Variants in SLC38A6 observed in about 807,000 individuals in gnomAD.
SLC38A6 encodes the protein solute carrier family 38 member 6.
SLC38A6 carries 73 observed loss-of-function variants against 65.0 expected under a neutral mutation model. The observed-to-expected ratio is 1.12, with a 90% CI of 0.93 to 1.37. SLC38A6 has a LOEUF of 1.37. Ranked by LOEUF, SLC38A6 falls within the 40% of genes most tolerant of loss-of-function variation. SLC38A6 has a pLI of 0.00. For synonymous variants in SLC38A6, 183 were observed against 178.8 expected (o/e 1.02, Z -0.19); for missense variants, 561 against 531.1 (o/e 1.06, Z -0.55).
intron 15 of SLC38A6, among the ~76,000 whole-genome samples, chr14:61,064,821 G>T (rs1415280895): frequency 3.3e-5 from 5 of 151,926 alleles, no homozygotes; most frequent in Admixed American, 1.3e-4. Context: ...TTGGAGACTT[G>T]TTTGCTAAAT....
intron 15 of SLC38A6, among the ~76,000 whole-genome samples, chr14:61,068,166 C>A (rs796316168): frequency 2.3e-4 from 35 of 152,168 alleles, no homozygotes; most frequent in African/African-American, 8.2e-4. Flanking sequence ...GGGGGCTCCA[C>A]AATCACTTCA....
chr14:61,047,405 A>G (rs2042218383), intron 12 of SLC38A6, among the ~76,000 whole-genome samples: 1 of 152,152 alleles, frequency 6.6e-6, no homozygotes. Flanking sequence ...TATACTCCCT[A>G]ACTTAATCCT....
intron 8 of SLC38A6, among the ~76,000 whole-genome samples, chr14:61,041,516 A>G (rs149574801): frequency 1.4e-3 from 216 of 152,344 alleles, no homozygotes; most frequent in African/African-American, 4.9e-3. Flanking sequence ...GCTCACATAC[A>G]GAGTTTATCT....
intron 12 of SLC38A6, among the ~76,000 whole-genome samples, chr14:61,050,006 C>T (rs964990645): frequency 5.3e-5 from 8 of 152,124 alleles, no homozygotes; most frequent in Admixed American, 3.9e-4. Context: ...GTAACATGCA[C>T]CAAGCTCTGA....
chr14:61,050,619 C>G lies in SLC38A6; in HGVS notation c.1033C>G (p.Pro345Ala). Reference protein sequence around the residue: ...CILFAVLLTVPLIHFPARKAV... With the variant: ...CILFAVLLTVALIHFPARKAV... ...ACTATTTGCTGTGCTTTTGACAGTC[C>G]CTCTAATCCACTTCCCTGTAAGTAC... The change falls in exon 13 of 16, where the codon CCT (proline) becomes GCT (alanine). Residue 345 changes from proline (P) to alanine (A), a missense_variant. By Grantham distance (27) the Pro-to-Ala change is conservative. Coordinates refer to ENST00000267488, the MANE Select transcript of SLC38A6 (RefSeq NM_153811.3). The G allele has an allele frequency of 2.5e-6, 4 of 1,571,486 alleles. No individual in the cohort carries two copies. Among genetic ancestry groups the G allele is most frequent in the Non-Finnish European group, 3.5e-6 (4 of 1,153,180 alleles).
intron 16 of SLC38A6, among the ~76,000 whole-genome samples, chr14:61,082,034 T>A (rs2043674555): frequency 6.6e-6 from 1 of 152,048 alleles, no homozygotes. Flanking sequence ...TTATGTGTAG[T>A]CCCAGGTGCC....
chr14:61,072,910 G>A (rs2043277685), intron 15 of SLC38A6, among the ~76,000 whole-genome samples: 1 of 152,070 alleles, frequency 6.6e-6, no homozygotes, highest in Non-Finnish European at 1.5e-5. Flanking sequence ...TGGGATTGCT[G>A]GACCATATGG....
At chr14:61,036,695 A>G (rs1019735374) in intron 6 of SLC38A6, among the ~76,000 whole-genome samples, 5 of 152,144 alleles carry the variant, frequency 3.3e-5, no homozygotes, top group Non-Finnish European at 7.4e-5. Context: ...AAAATTCTTT[A>G]TATCTATTGC....
At chr14:61,078,305 A>C (rs188948228) in intron 15 of SLC38A6, among the ~76,000 whole-genome samples, 56 of 152,350 alleles carry the variant, frequency 3.7e-4, no homozygotes, top group African/African-American at 1.3e-3. Flanking sequence ...AGGATAACCA[A>C]AGTAGAAATG....
intron 12 of SLC38A6, among the ~76,000 whole-genome samples, chr14:61,046,826 G>C (rs760319685): frequency 6.6e-6 from 1 of 152,060 alleles, no homozygotes; most frequent in African/African-American, 2.4e-5. Context: ...AAAGTTCTGT[G>C]TACACCATCA....
intron 3 of SLC38A6, among the ~76,000 whole-genome samples, chr14:60,987,822 G>A (rs1487815380): frequency 6.6e-6 from 1 of 152,156 alleles, no homozygotes; most frequent in East Asian, 1.9e-4. Context: ...ACCTCTGGCC[G>A]AACCACAACT....
chr14:61,007,918 A>G (rs1490090456), intron 3 of SLC38A6, among the ~76,000 whole-genome samples: 1 of 152,124 alleles, frequency 6.6e-6, no homozygotes, highest in Non-Finnish European at 1.5e-5. Context: ...GATTAAAATA[A>G]TTACTAATTT....
chr14:60,991,978 A>C (rs2037924903), intron 3 of SLC38A6, among the ~76,000 whole-genome samples: 1 of 152,156 alleles, frequency 6.6e-6, no homozygotes, highest in African/African-American at 2.4e-5. Context: ...ACTAAATTGC[A>C]TAGGGACCTA....
intron 15 of SLC38A6, among the ~76,000 whole-genome samples, chr14:61,061,384 C>A (rs2042835653): frequency 6.6e-6 from 1 of 151,972 alleles, no homozygotes. Context: ...AAGATATTGA[C>A]CTGAAGTTTT....
At chr14:61,053,388 C>G (rs943896029), downstream of SLC38A6, among the ~76,000 whole-genome samples, 1 of 151,988 alleles carries the variant, frequency 6.6e-6, no homozygotes, top group Non-Finnish European at 1.5e-5. Flanking sequence ...AATTTATGTT[C>G]CTTGGGGTAT....
intron 15 of SLC38A6, among the ~76,000 whole-genome samples, chr14:61,075,938 C>T (rs1022043410): frequency 6.6e-6 from 1 of 152,026 alleles, no homozygotes; most frequent in African/African-American, 2.4e-5. Context: ...TCACTGTAAC[C>T]TCCACCTCCC....
At chr14:61,036,101 C>A (rs899655850) in intron 6 of SLC38A6, among the ~76,000 whole-genome samples, 1 of 151,686 alleles carries the variant, frequency 6.6e-6, no homozygotes, top group East Asian at 1.9e-4. Flanking sequence ...AGAAAAATGA[C>A]CTATTATTTT....
chr14:61,045,508 T>C, intron 11 of SLC38A6, 83 bp downstream of exon 11: 1 of 1,009,764 alleles, frequency 9.9e-7, no homozygotes, highest in Non-Finnish European at 1.5e-6. Flanking sequence ...CATCCTCTTT[T>C]ATTAATCCTT....
intron 1 of SLC38A6, chr14:60,982,060 A>G (rs2037082814): frequency 2.3e-6 from 1 of 427,842 alleles, no homozygotes; most frequent in South Asian, 1.7e-5. Flanking sequence ...GTTTGGTAGA[A>G]CTAATTCATT....
Sources: allele counts gnomAD v4.1 joint callset (sites outside exome capture counted in the v4.1 genomes callset), GRCh38; gene constraint gnomAD v4.1.1; transcripts MANE v1.5; gene names NCBI Gene and HGNC (gene_info 2026-07-23, HGNC 2026-07-21).